The following PPP1R1C variants were observed in gnomAD, a reference collection of about 807,000 sequenced individuals.
PPP1R1C encodes the protein protein phosphatase 1 regulatory inhibitor subunit 1C.
A neutral mutation model predicts 17.4 loss-of-function variants in PPP1R1C; 15 were observed. The observed-to-expected ratio is 0.86, with a 90% CI of 0.58 to 1.33. The LOEUF is 1.33. Among genes scored for constraint, PPP1R1C ranks in the 40% most tolerant of loss-of-function variants. PPP1R1C has a pLI of 0.00. For synonymous variants in PPP1R1C, 35 were observed against 43.1 expected (o/e 0.81, Z 0.73); for missense variants, 143 against 130.0 (o/e 1.10, Z -0.48).
chr2:182,056,138 G>A (rs75540180), intron 2 of PPP1R1C, among the ~76,000 whole-genome samples: 318 of 152,214 alleles, frequency 2.1e-3, no homozygotes, highest in African/African-American at 7.3e-3. Flanking sequence ...ACTTTCTCCC[G>A]TCTCGCTAGA....
intron 1 of PPP1R1C, among the ~76,000 whole-genome samples, chr2:181,973,929 A>G (rs1000343762): frequency 6.6e-6 from 1 of 152,152 alleles, no homozygotes; most frequent in Non-Finnish European, 1.5e-5. Flanking sequence ...GTTAGCACCA[A>G]CTTTTTATTT....
intron 5 of PPP1R1C, among the ~76,000 whole-genome samples, chr2:182,126,537 T>G (rs1574471594): frequency 6.6e-6 from 1 of 152,158 alleles, no homozygotes; most frequent in Middle Eastern, 3.4e-3. Flanking sequence ...GAATGTTTGG[T>G]TTTAAATGAC....
intron 2 of PPP1R1C, among the ~76,000 whole-genome samples, chr2:181,992,909 G>T (rs1182309521): frequency 2.0e-5 from 3 of 152,066 alleles, no homozygotes; most frequent in South Asian, 2.1e-4. Flanking sequence ...TTGATAGCAG[G>T]CCTGGTCATT....
intron 2 of PPP1R1C, among the ~76,000 whole-genome samples, chr2:181,978,488 G>T (rs1028150747): frequency 2.0e-5 from 3 of 152,126 alleles, no homozygotes; most frequent in Non-Finnish European, 2.9e-5. Context: ...TTCTTAACTC[G>T]CATGGCTGAC....
chr2:182,008,240 C>T (rs145579818), intron 2 of PPP1R1C, among the ~76,000 whole-genome samples: 18 of 152,144 alleles, frequency 1.2e-4, no homozygotes, highest in African/African-American at 3.6e-4. Flanking sequence ...TTAAGGCAAA[C>T]TGGTAGAGAG....
chr2:182,036,004 C>G (rs7608147), intron 2 of PPP1R1C, among the ~76,000 whole-genome samples: 5,940 of 152,172 alleles, frequency 0.039, 394 homozygotes, highest in African/African-American at 0.13. Flanking sequence ...CACACACACA[C>G]ACACACATTT....
At chr2:182,082,148 T>C (rs1688499171) in intron 4 of PPP1R1C, among the ~76,000 whole-genome samples, 1 of 152,202 alleles carries the variant, frequency 6.6e-6, no homozygotes, top group Non-Finnish European at 1.5e-5. Context: ...AGACATTTTT[T>C]ACACTTAATC....
chr2:181,987,987 A>G (rs1238691263), intron 2 of PPP1R1C, 88 bp downstream of exon 2: 1 of 1,109,176 alleles, frequency 9.0e-7, no homozygotes, highest in East Asian at 2.6e-5. Context: ...GAAAAGTTTC[A>G]ATTTAGGATT....
At chr2:182,062,293 C>T (rs999275680) in intron 3 of PPP1R1C, among the ~76,000 whole-genome samples, 2 of 152,074 alleles carry the variant, frequency 1.3e-5, no homozygotes, top group African/African-American at 4.8e-5. Flanking sequence ...AAACTAAACT[C>T]TTACATAAAT....
intron 2 of PPP1R1C, among the ~76,000 whole-genome samples, chr2:182,035,936 A>G (rs1162690237): frequency 6.6e-6 from 1 of 152,144 alleles, no homozygotes; most frequent in Admixed American, 6.5e-5. Context: ...GAATGATTAT[A>G]CTATAAAGAC....
At chr2:181,987,804 C>T in intron 1 of PPP1R1C, 35 bp from the exon 2 acceptor site, 2 of 1,602,938 alleles carry the variant, frequency 1.2e-6, no homozygotes, top group Non-Finnish European at 8.5e-7. Context: ...GTGTCTAATA[C>T]TCACTGATAT....
chr2:182,027,804 AC>A (rs1686669063), intron 2 of PPP1R1C, among the ~76,000 whole-genome samples: 1 of 148,142 alleles, frequency 6.8e-6, no homozygotes, highest in African/African-American at 2.5e-5. Flanking sequence ...TCCTCCTTGT[AC>A]CTCTGGTAGA....
chr2:182,025,174 A>AATT (rs533389640), intron 2 of PPP1R1C, among the ~76,000 whole-genome samples: 1,643 of 147,558 alleles, frequency 0.011, 24 homozygotes, highest in African/African-American at 0.032. Flanking sequence ...AAGTAAATAA[A>AATT]ATTATTATTA....
intron 2 of PPP1R1C, among the ~76,000 whole-genome samples, chr2:181,995,365 C>T (rs527781008): frequency 6.8e-4 from 103 of 152,280 alleles, no homozygotes; most frequent in African/African-American, 2.4e-3. Flanking sequence ...TGGCTGTTTA[C>T]TGCCTGAGTT....
intron 1 of PPP1R1C, among the ~76,000 whole-genome samples, chr2:181,972,663 G>A (rs1217845406): frequency 1.3e-5 from 2 of 152,142 alleles, no homozygotes; most frequent in African/African-American, 4.8e-5. Context: ...GTGACCATAT[G>A]TACAAAGTGA....
Position 181,986,086 on chromosome 2 carries a change from T to C in PPP1R1C, c.-25T>C. The stretch of plus-strand genomic sequence containing the variant: ...GGTTAGTCTTTCTGAGCTCTTCACA[T>C]CTCTGACTAATTATCATCATTACCA... On this transcript the variant is annotated 5_prime_UTR_variant, in exon 1 of 5. Coordinates refer to ENST00000682840, the MANE Select transcript of PPP1R1C (RefSeq NM_001080545.3). 6.3e-7 allele frequency: 1 copy of C among 1,595,092 alleles called. No homozygotes were observed. Among genetic ancestry groups the C allele is most frequent in the Non-Finnish European group, 8.6e-7 (1 of 1,162,694 alleles).
At chr2:182,001,485 A>G (rs910663771) in intron 2 of PPP1R1C, among the ~76,000 whole-genome samples, 3 of 152,134 alleles carry the variant, frequency 2.0e-5, no homozygotes. Context: ...AGAATATAGG[A>G]GCTCAAGAGT....
chr2:181,955,738 T>G (rs1428878783), intron 1 of PPP1R1C, among the ~76,000 whole-genome samples: 1 of 152,208 alleles, frequency 6.6e-6, no homozygotes, highest in Non-Finnish European at 1.5e-5. Context: ...CACTATCTTT[T>G]TCATAAATAA....
chr2:182,078,257 T>A (rs376221503), intron 4 of PPP1R1C, among the ~76,000 whole-genome samples: 5 of 152,320 alleles, frequency 3.3e-5, no homozygotes, highest in Admixed American at 3.3e-4. Flanking sequence ...CTTATTTTTA[T>A]GATTATTAAA....
Sources: gnomAD v4.1 joint callset for allele counts (sites outside exome capture counted in the v4.1 genomes callset) on GRCh38, gnomAD v4.1.1 for gene constraint, MANE v1.5 for transcripts, NCBI Gene and HGNC (gene_info 2026-07-23, HGNC 2026-07-21) for gene names.